The following RAB8B variants were observed in gnomAD, a reference collection of about 807,000 sequenced individuals.
The protein encoded by RAB8B is ras-related protein Rab-8B.
RAB8B carries 11 observed loss-of-function variants against 32.0 expected under a neutral mutation model. The observed-to-expected ratio is 0.34, with a 90% CI of 0.22 to 0.57. The LOEUF is 0.57. RAB8B is among the 20% of genes least tolerant of loss of function. RAB8B has a pLI of 0.86. For synonymous variants in RAB8B, 103 were observed against 89.6 expected (o/e 1.15, Z -0.85); for missense variants, 190 against 258.5 (o/e 0.73, Z 1.82).
chr15:63,211,663 AT>A (rs570815131), intron 1 of RAB8B, among the ~76,000 whole-genome samples: 233 of 151,838 alleles, frequency 1.5e-3, no homozygotes, highest in Admixed American at 2.8e-3. Flanking sequence ...GTTTTGGTGG[AT>A]TTTTTTTGCC....
intron 3 of RAB8B, among the ~76,000 whole-genome samples, chr15:63,252,270 G>T (rs1391628772): frequency 1.3e-5 from 2 of 152,124 alleles, no homozygotes; most frequent in African/African-American, 4.8e-5. Context: ...GCCATTTATT[G>T]AGTCCAAGCT....
intron 1 of RAB8B, among the ~76,000 whole-genome samples, chr15:63,215,963 A>G (rs1396785530): frequency 2.6e-5 from 4 of 151,934 alleles, no homozygotes; most frequent in Non-Finnish European, 5.9e-5. Flanking sequence ...ACTTGAACCC[A>G]GGAGGTTGAG....
At chr15:63,214,417 G>A (rs1016716321) in intron 1 of RAB8B, among the ~76,000 whole-genome samples, 4 of 148,444 alleles carry the variant, frequency 2.7e-5, no homozygotes, top group South Asian at 2.2e-4. Flanking sequence ...TCAGCCTCCC[G>A]GGTAGCTGGG....
intron 2 of RAB8B, among the ~76,000 whole-genome samples, chr15:63,245,999 A>G (rs896837487): frequency 3.3e-5 from 5 of 152,026 alleles, no homozygotes; most frequent in Non-Finnish European, 7.4e-5. Flanking sequence ...CAGCTTCCTG[A>G]GTAGCTGGGA....
At position 63,189,613 on chromosome 15, in the gene RAB8B, C is replaced by A; in HGVS notation, c.-12C>A. 1.2e-6 allele frequency: 2 copies of A among 1,613,140 alleles called. No homozygotes were observed. Among genetic ancestry groups the A allele is most frequent in the Non-Finnish European group, 1.7e-6 (2 of 1,179,610 alleles). ...TCCTCTGGCTCCCCGGTCAGAGGGCCGGAGCGAGAAGATGGCGAAGACGTA... is the reference window on the plus strand; with the variant it reads ...TCCTCTGGCTCCCCGGTCAGAGGGCAGGAGCGAGAAGATGGCGAAGACGTA... On this transcript the variant is annotated 5_prime_UTR_variant, in exon 1 of 8. Coordinates refer to ENST00000321437, the MANE Select transcript of RAB8B (RefSeq NM_016530.3).
intron 1 of RAB8B, among the ~76,000 whole-genome samples, chr15:63,198,512 T>A (rs1273519593): frequency 6.6e-6 from 1 of 152,080 alleles, no homozygotes; most frequent in African/African-American, 2.4e-5. Flanking sequence ...TTCAAAGCAC[T>A]TTGCAAAAGC....
chr15:63,259,806 A>C lies in RAB8B; in HGVS notation c.480+114A>C. 1 of 878,746 alleles carries C rather than the reference A, an allele frequency of 1.1e-6. No individual in the cohort carries two copies. Among genetic ancestry groups the C allele is most frequent in the Non-Finnish European group, 1.8e-6 (1 of 563,488 alleles). The allele number at this position is 878,746 out of a possible 1,614,324, so 54.4% of individuals were successfully genotyped here. On this transcript the variant is annotated intron_variant, in intron 6 of 7. Transcript: ENST00000321437. The surrounding 1 kb of genome is among the most constrained non-coding windows in gnomAD (Gnocchi z 4.4). The stretch of plus-strand genomic sequence containing the variant: ...CTGACCTAATGAATGCCTTTTGTTG[A>C]CCCAACTCTACTTTGTACACTTTTG...
intron 4 of RAB8B, 47 bp from the exon 5 acceptor site, chr15:63,256,458 G>C: frequency 7.3e-7 from 1 of 1,371,860 alleles, no homozygotes; most frequent in South Asian, 1.3e-5. Context: ...ATTAAGTAAC[G>C]GGTTTTTCTC....
At chr15:63,219,610 G>C (rs920939401) in intron 1 of RAB8B, among the ~76,000 whole-genome samples, 2 of 152,178 alleles carry the variant, frequency 1.3e-5, no homozygotes, top group African/African-American at 4.8e-5. Flanking sequence ...TATATATGTG[G>C]AATGTGTTGT....
At chr15:63,228,357 C>G (rs1452189383) in intron 1 of RAB8B, among the ~76,000 whole-genome samples, 2 of 152,188 alleles carry the variant, frequency 1.3e-5, no homozygotes, top group Non-Finnish European at 2.9e-5. Flanking sequence ...GCTGCCCTCT[C>G]CTGTTTTACA....
intron 1 of RAB8B, among the ~76,000 whole-genome samples, chr15:63,239,411 T>TG (rs1491486925): frequency 1.9e-5 from 1 of 51,980 alleles, no homozygotes; most frequent in African/African-American, 7.2e-5. Flanking sequence ...ATTTCCGAAG[T>TG]TTTTTTTTTT....
chr15:63,229,484 T>C (rs1219990269), intron 1 of RAB8B, among the ~76,000 whole-genome samples: 1 of 152,034 alleles, frequency 6.6e-6, no homozygotes, highest in African/African-American at 2.4e-5. Context: ...CTTAATGTAT[T>C]TCTCCAGTAT....
chr15:63,257,532 G>T (rs1342235520), intron 5 of RAB8B, among the ~76,000 whole-genome samples: 1 of 152,006 alleles, frequency 6.6e-6, no homozygotes, highest in East Asian at 1.9e-4. Context: ...CTCCCAAAGT[G>T]CTGGGATTAC....
intron 1 of RAB8B, among the ~76,000 whole-genome samples, chr15:63,218,273 C>T (rs1012000265): frequency 6.6e-6 from 1 of 152,098 alleles, no homozygotes; most frequent in Admixed American, 6.6e-5. Flanking sequence ...GGATTAAAGC[C>T]CCCTTGCAGA....
chr15:63,238,231 A>T (rs948914078), intron 1 of RAB8B, among the ~76,000 whole-genome samples: 11 of 142,088 alleles, frequency 7.7e-5, no homozygotes, highest in Admixed American at 1.4e-4. Context: ...CTTTTAAATT[A>T]AAAAAAAAAA....
chr15:63,198,704 A>C (rs1014319588), intron 1 of RAB8B, among the ~76,000 whole-genome samples: 5 of 152,190 alleles, frequency 3.3e-5, no homozygotes, highest in African/African-American at 1.2e-4. Context: ...TAAATCATAG[A>C]TGTTATCCTG....
intron 1 of RAB8B, among the ~76,000 whole-genome samples, chr15:63,230,575 T>A (rs1310944430): frequency 6.6e-6 from 1 of 152,210 alleles, no homozygotes; most frequent in Non-Finnish European, 1.5e-5. Context: ...ATGCTGGGAT[T>A]ACAGGCGTGA....
At chr15:63,263,411 C>T in intron 7 of RAB8B, 116 bp from the exon 8 acceptor site, 1 of 518,364 alleles carries the variant, frequency 1.9e-6, no homozygotes, top group South Asian at 3.4e-5. Context: ...AGTGAATACA[C>T]ATTTCACTAG....
intron 1 of RAB8B, among the ~76,000 whole-genome samples, chr15:63,219,792 T>A (rs1004035203): frequency 6.6e-6 from 1 of 152,182 alleles, no homozygotes; most frequent in African/African-American, 2.4e-5. Flanking sequence ...TCTTTTACTA[T>A]TGAGCCTATA....
Sources: gnomAD v4.1 joint callset for allele counts (sites outside exome capture counted in the v4.1 genomes callset) on GRCh38, gnomAD v4.1.1 for gene constraint, Gnocchi (gnomAD v3.1) non-coding constraint, MANE v1.5 for transcripts, NCBI Gene and HGNC (gene_info 2026-07-23, HGNC 2026-07-21) for gene names.